The following USH2A variants were observed in gnomAD, a reference collection of about 807,000 sequenced individuals.
USH2A encodes Usher syndrome 2A (autosomal recessive, mild).
USH2A carries 443 observed loss-of-function variants against 538.9 expected under a neutral mutation model. The ratio of observed to expected loss-of-function variants is 0.82; its 90% CI spans 0.76 to 0.89. The LOEUF (loss-of-function observed/expected upper bound fraction) is 0.89, where lower values mean the gene tolerates loss of function less well. Ranked by LOEUF, USH2A falls within the 40% of genes least tolerant of loss-of-function variation. The pLI, the probability that USH2A is intolerant of heterozygous loss-of-function variation, is 0.00. For missense variants in USH2A, 6,633 were observed against 6,324.8 expected, an observed-to-expected ratio of 1.05 and a Z score of -1.65; for synonymous variants, 2,413 against 2,273.5, an observed-to-expected ratio of 1.06 and a Z score of -1.75.
intron 35 of USH2A, among the ~76,000 whole-genome samples, chr1:215,974,187 T>C (rs1667565476): frequency 6.6e-6 from 1 of 152,136 alleles, no homozygotes; most frequent in Admixed American, 6.6e-5. Flanking sequence ...GCGGTAAGTC[T>C]AAAACACCTA....
chr1:216,086,883 A>G, intron 23 of USH2A, 63 bp from the exon 24 acceptor site: 1 of 1,291,050 alleles, frequency 7.7e-7, no homozygotes. Flanking sequence ...TAGCTCAGCA[A>G]ATAATAAAAT....
intron 61 of USH2A, among the ~76,000 whole-genome samples, chr1:215,697,186 TA>T (rs1658844983): frequency 6.6e-6 from 1 of 151,882 alleles, no homozygotes; most frequent in South Asian, 2.1e-4. Context: ...CTTGAACTCC[TA>T]AGCTCAAGAG....
chr1:216,092,948 A>G (rs569523688), intron 22 of USH2A, among the ~76,000 whole-genome samples: 1 of 152,066 alleles, frequency 6.6e-6, no homozygotes, highest in South Asian at 2.1e-4. Flanking sequence ...CACTCCCTTT[A>G]GCCCCCAACT....
At chr1:216,101,047 ATCT>A (rs1489271629) in intron 21 of USH2A, among the ~76,000 whole-genome samples, 3 of 152,286 alleles carry the variant, frequency 2.0e-5, no homozygotes, top group South Asian at 2.1e-4. Context: ...AAATAATTTA[ATCT>A]TCTCATTTTT....
At chr1:215,638,701 G>A (rs538540597) in intron 69 of USH2A, among the ~76,000 whole-genome samples, 2 of 150,870 alleles carry the variant, frequency 1.3e-5, no homozygotes, top group African/African-American at 2.4e-5. Flanking sequence ...ATTTCTGGCT[G>A]GGCACAGTGG....
At chr1:216,117,887 T>G (rs904796269) in intron 21 of USH2A, among the ~76,000 whole-genome samples, 1 of 151,616 alleles carries the variant, frequency 6.6e-6, no homozygotes, top group Admixed American at 6.6e-5. Flanking sequence ...TATAGATATA[T>G]ATATGCATGT....
At position 216,059,310 on chromosome 1, in the gene USH2A, T is replaced by C. The variant is rs567967702; in HGVS notation, c.6050-10663A>G. 7.2e-5 allele frequency among the ~76,000 whole-genome samples: 11 copies of C among 152,316 alleles called. No individual in the cohort carries two copies. In the South Asian group the frequency reaches 2.3e-3, roughly 32 times the overall value. On this transcript the variant is annotated intron_variant, in intron 30 of 71. Transcript: ENST00000307340. ...ATTTAAAGTTCCCTTGACAACTCTT[T>C]ATATGGCCCATAAAGTATAGTACAT...
chr1:216,396,376 G>A (rs987576687), intron 3 of USH2A, among the ~76,000 whole-genome samples: 10 of 152,018 alleles, frequency 6.6e-5, no homozygotes, highest in African/African-American at 2.2e-4. Flanking sequence ...TATTTTCCAT[G>A]GGCGCTTCCA....
chr1:216,011,978 T>G (rs1234557831), intron 32 of USH2A, among the ~76,000 whole-genome samples: 10 of 33,742 alleles, frequency 3.0e-4, no homozygotes, highest in Admixed American at 1.5e-3. Context: ...TTGATTTTTT[T>G]TTTTTTTTTT....
chr1:215,715,474 A>G (rs1483804367), intron 61 of USH2A, among the ~76,000 whole-genome samples: 1 of 152,152 alleles, frequency 6.6e-6, no homozygotes, highest in African/African-American at 2.4e-5. Flanking sequence ...TAGTCTCACT[A>G]TGGGTTGTGA....
chr1:216,039,747 C>T (rs1395413656), intron 32 of USH2A, among the ~76,000 whole-genome samples: 1 of 151,912 alleles, frequency 6.6e-6, no homozygotes, highest in Non-Finnish European at 1.5e-5. Context: ...ATAGAAGTGC[C>T]TAACCTTTAA....
intron 47 of USH2A, among the ~76,000 whole-genome samples, chr1:215,817,806 A>G (rs1351214280): frequency 1.3e-5 from 2 of 152,032 alleles, no homozygotes; most frequent in Non-Finnish European, 2.9e-5. Flanking sequence ...TGGTTCACCA[A>G]TGCCAACAAC....
Position 216,321,995 on chromosome 1 carries a change from C to T in USH2A, c.1551-19G>A. The stretch of plus-strand genomic sequence containing the variant: ...CTGACATCTGCAAACATGAGCATCA[C>T]ACACTCCTAAGGAACACCAACTCAA... On this transcript the variant is annotated intron_variant, in intron 8 of 71. Transcript: ENST00000307340. 1 of 1,612,754 alleles carries T rather than the reference C, an allele frequency of 6.2e-7. No homozygotes were observed. The highest frequency in any genetic ancestry group is 1.1e-5 in the South Asian group (1 of 91,066).
At chr1:215,965,506 G>T in intron 36 of USH2A, 27 bp from the exon 37 acceptor site, 1 of 1,611,900 alleles carries the variant, frequency 6.2e-7, no homozygotes, top group Non-Finnish European at 8.5e-7. Context: ...ATTTATTTTT[G>T]TTTGCAAATA....
At chr1:216,247,536 A>C (rs1227275514) in intron 12 of USH2A, among the ~76,000 whole-genome samples, 1 of 152,206 alleles carries the variant, frequency 6.6e-6, no homozygotes, top group African/African-American at 2.4e-5. Flanking sequence ...AAATCTTAAA[A>C]ACTATTTTAA....
chr1:216,204,752 A>G (rs1171366386), intron 16 of USH2A, among the ~76,000 whole-genome samples: 1 of 152,182 alleles, frequency 6.6e-6, no homozygotes, highest in East Asian at 1.9e-4. Context: ...CTAGAAATAG[A>G]GTAATAAACA....
rs151041289 is a variant in USH2A at position 215,790,425 on chromosome 1, G to C, written c.9959-143C>G. The C allele has an allele frequency of 1.2e-4, 103 of 856,086 alleles. No homozygotes were observed. The Middle Eastern group carries it at 6.4e-3, about 53-fold the overall frequency. The allele number at this position is 856,086 out of a possible 1,614,324, so 53.0% of individuals were successfully genotyped here. On this transcript the variant is annotated intron_variant, in intron 50 of 71. Coordinates refer to ENST00000307340, the MANE Select transcript of USH2A (RefSeq NM_206933.4). ...CCTAAGGTAGCATTTCCCTACCAAG[G>C]TGATTTAAATGTGCAGTGAGGGTCC...
chr1:216,136,736 A>G (rs2033493207), intron 21 of USH2A, among the ~76,000 whole-genome samples: 1 of 152,210 alleles, frequency 6.6e-6, no homozygotes, highest in Admixed American at 6.5e-5. Flanking sequence ...AAGAAACACC[A>G]TATGAAGAGA....
chr1:216,182,277 T>G (rs1359267671), intron 20 of USH2A, among the ~76,000 whole-genome samples: 1 of 152,232 alleles, frequency 6.6e-6, no homozygotes. Flanking sequence ...ATATTTTGCA[T>G]AGTAGAGTCT....
Sources: allele counts gnomAD v4.1 joint callset (sites outside exome capture counted in the v4.1 genomes callset), GRCh38; gene constraint gnomAD v4.1.1; transcripts MANE v1.5; gene names NCBI Gene and HGNC (gene_info 2026-07-23, HGNC 2026-07-21).